Variants in CLCN1 observed in about 807,000 individuals in gnomAD.
CLCN1 encodes chloride channel protein 1.
Under a neutral mutation model 114.5 loss-of-function variants are expected in CLCN1, and 100 were observed. The ratio of observed to expected loss-of-function variants is 0.87; its 90% CI spans 0.74 to 1.03. The LOEUF (loss-of-function observed/expected upper bound fraction) is 1.03, where lower values mean the gene tolerates loss of function less well. CLCN1 is among the 50% of genes least tolerant of loss of function. The probability of loss-of-function intolerance (pLI) is 0.00; values close to 1 mark genes in which losing one functional copy is unlikely to be tolerated. For synonymous variants in CLCN1, 485 were observed against 487.1 expected, an observed-to-expected ratio of 1.00 and a Z score of 0.06; for missense variants, 1,188 against 1,250.0, an observed-to-expected ratio of 0.95 and a Z score of 0.75.
At position 143,346,905 on chromosome 7, in the gene CLCN1, C is replaced by T; in HGVS notation, c.2365-6C>T. The T allele has an allele frequency of 6.2e-7, 1 of 1,613,394 alleles. No individual in the cohort carries two copies. The highest frequency in any genetic ancestry group is 1.1e-5 in the South Asian group (1 of 91,064). On this transcript the variant is annotated splice_region_variant and splice_polypyrimidine_tract_variant and intron_variant, in intron 19 of 22. Coordinates refer to ENST00000343257, the MANE Select transcript of CLCN1 (RefSeq NM_000083.3). ...AAGAACTTGGACCTATGTCTTTCTT[C>T]TCTAGGATTCCACAGATTTAGTGGA...
chr7:143,323,792 C>T (rs1397043001), intron 6 of CLCN1: 2 of 478,706 alleles, frequency 4.2e-6, no homozygotes, highest in Non-Finnish European at 8.6e-6. Context: ...CCTCCACCCC[C>T]TTGTCCCGCG....
At chr7:143,338,660 G>A (rs1418749876) in intron 12 of CLCN1, among the ~76,000 whole-genome samples, 3 of 151,972 alleles carry the variant, frequency 2.0e-5, no homozygotes, top group Non-Finnish European at 2.9e-5. Context: ...GGTGGCGTGC[G>A]CCTATAGTCC....
In CLCN1 at chr7:143,332,690, G is replaced by C. The variant is rs201333906; in HGVS notation, c.1252-34G>C. ...AAAAAGGAAGCACAGGAGTTCCCTG[G>C]AGAACCCACCCTTTCTGCTTCTTCC... On this transcript the variant is annotated intron_variant, in intron 11 of 22. Transcript: ENST00000343257. 27 of 1,613,098 alleles carry C rather than the reference G, an allele frequency of 1.7e-5. No individual in the cohort carries two copies. The South Asian group carries it at 2.7e-4, about 16-fold the overall frequency.
intron 12 of CLCN1, among the ~76,000 whole-genome samples, chr7:143,336,749 T>TA (rs1802914131): frequency 6.6e-6 from 1 of 152,184 alleles, no homozygotes; most frequent in South Asian, 2.1e-4. Flanking sequence ...TGCCAATAGC[T>TA]AAAAAAGTTT....
At chr7:143,342,613 T>A (rs17381401) in intron 16 of CLCN1, 108 bp downstream of exon 16, 15 of 1,119,420 alleles carry the variant, frequency 1.3e-5, no homozygotes, top group Non-Finnish European at 1.7e-5. Context: ...GGCCATCCAA[T>A]GTGCTATGTA....
intron 14 of CLCN1, among the ~76,000 whole-genome samples, chr7:143,340,593 C>T (rs1032964197): frequency 1.1e-4 from 17 of 152,124 alleles, no homozygotes; most frequent in East Asian, 5.8e-4. Context: ...AGTGCAGTGG[C>T]GCAATCTGGG....
At chr7:143,319,958 G>C in intron 2 of CLCN1, 83 bp downstream of exon 2, 1 of 1,411,832 alleles carries the variant, frequency 7.1e-7, no homozygotes, top group Non-Finnish European at 1.0e-6. Flanking sequence ...CCCATTGCAC[G>C]TACGTACTCC....
chr7:143,321,942 T>TCAGGGGACAGGACCAAGGCCAGGGC lies in CLCN1; in HGVS notation c.696+104_696+128dup. ...AGGGAGCTCTGGGAGTGGAAGTGGA[T>TCAGGGGACAGGACCAAGGCCAGGGC]CAGGGGACAGGACCAAGGCCAGGGC... On this transcript the variant is annotated intron_variant, in intron 5 of 22. Coordinates refer to ENST00000343257, the MANE Select transcript of CLCN1 (RefSeq NM_000083.3). This position sits in a 1 kb window ranked among gnomAD's most constrained non-coding sequence, Gnocchi z 4.2. 1 of 1,445,038 alleles carries TCAGGGGACAGGACCAAGGCCAGGGC rather than the reference T, an allele frequency of 6.9e-7. No homozygotes were observed. Among genetic ancestry groups the TCAGGGGACAGGACCAAGGCCAGGGC allele is most frequent in the Non-Finnish European group, 9.4e-7 (1 of 1,058,634 alleles). The allele number at this position is 1,445,038 out of a possible 1,614,324, so 89.5% of individuals were successfully genotyped here. A position where few individuals can be genotyped will look rare whatever the true frequency, so the allele number is the denominator to read the frequency against.
intron 12 of CLCN1, among the ~76,000 whole-genome samples, chr7:143,338,637 A>G (rs1802984477): frequency 6.6e-6 from 1 of 152,042 alleles, no homozygotes; most frequent in African/African-American, 2.4e-5. Flanking sequence ...AATACAAAAA[A>G]TTAGCTGGGC....
chr7:143,320,930 G>A, intron 3 of CLCN1, 135 bp downstream of exon 3: 1 of 1,069,834 alleles, frequency 9.3e-7, no homozygotes, highest in South Asian at 1.3e-5. Flanking sequence ...GGGATCAGGT[G>A]GGACTCCAGG....
In CLCN1 at chr7:143,324,049, C is replaced by T. The variant is rs1802519605; in HGVS notation, c.775-365C>T. 6.6e-6 allele frequency among the ~76,000 whole-genome samples: 1 copy of T among 152,156 alleles called. No homozygotes were observed. The highest frequency in any genetic ancestry group is 2.4e-5 in the African/African-American group (1 of 41,438). ...ATACCTATATTTTTTCAGCAAAGGG[C>T]TGTGTATTATTTTGAGACTGCTTGC... On this transcript the variant is annotated intron_variant, in intron 6 of 22. Coordinates refer to ENST00000343257, the MANE Select transcript of CLCN1 (RefSeq NM_000083.3). The surrounding 1 kb of genome is among the most constrained non-coding windows in gnomAD (Gnocchi z 4.6).
intron 8 of CLCN1, 144 bp from the exon 9 acceptor site, chr7:143,331,088 T>C: frequency 1.9e-6 from 2 of 1,048,118 alleles, no homozygotes; most frequent in Non-Finnish European, 3.0e-6. Context: ...TGGAGGAGTG[T>C]GCGTAGAAAA....
chr7:143,346,539 T>G (rs1803252074), intron 18 of CLCN1, 40 bp from the exon 19 acceptor site: 1 of 1,521,110 alleles, frequency 6.6e-7, no homozygotes, highest in Admixed American at 1.7e-5. Flanking sequence ...CGTTTCCTGT[T>G]GCTTTGTGTC....
At position 143,346,192 on chromosome 7, in the gene CLCN1, A is replaced by C; in HGVS notation, c.2225A>C (p.Glu742Ala). 1 of 1,613,758 alleles carries C rather than the reference A, an allele frequency of 6.2e-7. No individual in the cohort carries two copies. Among genetic ancestry groups the C allele is most frequent in the Non-Finnish European group, 8.5e-7 (1 of 1,179,838 alleles). The part of the protein sequence containing the change: ...HPSTTAPLSP[E>A]EPNGPLPGHK... Reference sequence around the variant, plus strand: ...TCTACTACTGCCCCTCTGTCCCCAGAAGAGCCCAATGGGCCTCTGCCTGGC... The same window carrying C: ...TCTACTACTGCCCCTCTGTCCCCAGCAGAGCCCAATGGGCCTCTGCCTGGC... Residue 742 changes from glutamate to alanine, a missense_variant, in exon 18 of 23, where the codon GAA (glutamate) becomes GCA (alanine). Transcript: ENST00000343257.
Position 143,351,585 on chromosome 7 carries a change from G to C in CLCN1, c.2596-9G>C, listed in dbSNP as rs200308662. The C allele has an allele frequency of 7.4e-6, 12 of 1,613,294 alleles. No individual in the cohort carries two copies. The African/African-American group carries it at 1.5e-4, about 20-fold the overall frequency. ...TTTTACCCTCTTTTCCTTTCCCACT[G>C]CTCTTCAGCTACAGAAGGCCATTGA... On this transcript the variant is annotated splice_polypyrimidine_tract_variant and intron_variant, in intron 22 of 22. Transcript: ENST00000343257.
chr7:143,351,328 G>A (rs1216863070), intron 22 of CLCN1, among the ~76,000 whole-genome samples: 2 of 152,172 alleles, frequency 1.3e-5, no homozygotes, highest in African/African-American at 2.4e-5. Context: ...GTGGCTGCAG[G>A]TGGTCACTAG....
At chr7:143,318,314 C>T (rs868639440) in intron 1 of CLCN1, among the ~76,000 whole-genome samples, 11 of 152,292 alleles carry the variant, frequency 7.2e-5, no homozygotes, top group South Asian at 2.1e-4. Context: ...TCTCCGCCTC[C>T]CTGGTTCAAG....
chr7:143,316,279 C>A lies in CLCN1; in HGVS notation c.67C>A (p.Gln23Lys). ...QSWWGSDPQY[Q>K]YMPFEHCTSY... ...CTGGTGGGGTAGTGACCCCCAGTAC[C>A]AGTATATGCCCTTTGAACACTGCAC... The change falls in exon 1 of 23, where the codon CAG (glutamine) becomes AAG (lysine). Residue 23 changes from glutamine (Q) to lysine (K), a missense_variant. Transcript: ENST00000343257. 1 of 1,613,612 alleles carries A rather than the reference C, an allele frequency of 6.2e-7. No homozygotes were observed. Among genetic ancestry groups the A allele is most frequent in the East Asian group, 2.2e-5 (1 of 44,854 alleles).
At chr7:143,338,329 C>A (rs1802969872) in intron 12 of CLCN1, among the ~76,000 whole-genome samples, 1 of 152,042 alleles carries the variant, frequency 6.6e-6, no homozygotes, top group Non-Finnish European at 1.5e-5. Context: ...AATTTTGATC[C>A]TTGTTTAAGG....
Sources: gnomAD v4.1 joint callset for allele counts (sites outside exome capture counted in the v4.1 genomes callset) on GRCh38, gnomAD v4.1.1 for gene constraint, Gnocchi (gnomAD v3.1) non-coding constraint, MANE v1.5 for transcripts, NCBI Gene and HGNC (gene_info 2026-07-23, HGNC 2026-07-21) for gene names.